The following CELF2 variants were observed in gnomAD, a reference collection of about 807,000 sequenced individuals.
The protein encoded by CELF2 is CUGBP Elav-like family member 2, also known as CUG triplet repeat RNA-binding protein 2.
Under a neutral mutation model 62.6 loss-of-function variants are expected in CELF2, and 8 were observed. That is an observed-to-expected ratio of 0.13 (90% CI 0.07 to 0.23). The LOEUF is 0.23. CELF2 is among the 10% of genes least tolerant of loss of function. CELF2 has a pLI of 1.00. For missense variants in CELF2, 333 were observed against 671.0 expected, an observed-to-expected ratio of 0.50 and a Z score of 5.56; for synonymous variants, 258 against 250.0, an observed-to-expected ratio of 1.03 and a Z score of -0.30.
intron 1 of CELF2, among the ~76,000 whole-genome samples, chr10:10,842,785 T>G (rs1168697018): frequency 6.6e-6 from 1 of 152,062 alleles, no homozygotes; most frequent in African/African-American, 2.4e-5. Context: ...GCTTTGATAT[T>G]AGAATAATGC....
At chr10:10,688,019 A>G in the CELF2 span, among the ~76,000 whole-genome samples, 97 of 152,378 alleles carry the variant, frequency 6.4e-4, no homozygotes, top group African/African-American at 2.2e-3. Context: ...AGCAAGGGCT[A>G]CTACTGCTGC....
intron 2 of CELF2, among the ~76,000 whole-genome samples, chr10:10,985,533 G>A (rs1172763026): frequency 6.6e-6 from 1 of 152,132 alleles, no homozygotes; most frequent in African/African-American, 2.4e-5. Flanking sequence ...AGCACACATT[G>A]TCTCCATGTA....
At chr10:11,313,746 CAAG>C (rs1282323435) in intron 9 of CELF2, among the ~76,000 whole-genome samples, 1 of 136,182 alleles carries the variant, frequency 7.3e-6, no homozygotes, top group Non-Finnish European at 1.6e-5. Flanking sequence ...AAAGACAGTA[CAAG>C]AAGGAAAAAT....
intron 1 of CELF2, among the ~76,000 whole-genome samples, chr10:11,093,902 C>G (rs1380956936): frequency 6.6e-6 from 1 of 152,216 alleles, no homozygotes; most frequent in African/African-American, 2.4e-5. Context: ...GAAATTAACT[C>G]TTCTAAGGTT....
rs912786334 is a variant in CELF2, at chr10:11,027,383, C to T, written c.74+9220C>T. Among the ~76,000 whole-genome samples the T allele has an allele frequency of 2.2e-4, 34 of 152,100 alleles. 1 individual carries two copies. The highest frequency in any genetic ancestry group is 4.4e-5 in the Non-Finnish European group (3 of 68,026). On this transcript the variant is annotated intron_variant, in intron 1 of 12. Transcript: ENST00000633077. ...TTCTTCCTCTTCTGGGTACCTAGAG[C>T]GCTTGGGAATGCATTTTTACTTCTG...
At chr10:10,869,699 G>A (rs2060614048) in intron 1 of CELF2, among the ~76,000 whole-genome samples, 1 of 152,166 alleles carries the variant, frequency 6.6e-6, no homozygotes, top group Non-Finnish European at 1.5e-5. Flanking sequence ...GGCAGCCTTT[G>A]GGATCCTCCA....
intron 1 of CELF2, among the ~76,000 whole-genome samples, chr10:11,066,001 C>T (rs780333599): frequency 6.6e-6 from 1 of 152,168 alleles, no homozygotes; most frequent in Non-Finnish European, 1.5e-5. Flanking sequence ...GTGCCCCATA[C>T]AGCAGGAATG....
chr10:10,625,913 C>CT, the CELF2 span, among the ~76,000 whole-genome samples: 9,381 of 145,622 alleles, frequency 0.064, 369 homozygotes, highest in African/African-American at 0.12. Flanking sequence ...TCATGTGATT[C>CT]TTTTTTTTTT....
chr10:10,572,656 C>T, the CELF2 span, among the ~76,000 whole-genome samples: 5,587 of 152,196 alleles, frequency 0.037, 321 homozygotes, highest in African/African-American at 0.13. Context: ...TGCCTCCCAG[C>T]TCCAACTGTG....
upstream of CELF2, among the ~76,000 whole-genome samples, chr10:11,016,588 T>A (rs913988674): frequency 3.3e-5 from 5 of 152,216 alleles, no homozygotes; most frequent in South Asian, 4.1e-4. The surrounding 1 kb of genome is among the most constrained non-coding windows in gnomAD (Gnocchi z 5.2). Context: ...CACACAAGAA[T>A]CTGGTGAGAA....
At chr10:11,281,345 G>GA (rs1565738783) in intron 8 of CELF2, among the ~76,000 whole-genome samples, 2 of 152,178 alleles carry the variant, frequency 1.3e-5, no homozygotes, top group African/African-American at 4.8e-5. Flanking sequence ...TGGGGTAGAT[G>GA]AAGAACACGA....
chr10:10,631,750 A>G, the CELF2 span, among the ~76,000 whole-genome samples: 1 of 152,190 alleles, frequency 6.6e-6, no homozygotes, highest in Admixed American at 6.5e-5. Context: ...TCCCTAGCAT[A>G]CATGAGATTC....
At chr10:11,326,430 A>G (rs951956928) in intron 12 of CELF2, among the ~76,000 whole-genome samples, 2 of 152,252 alleles carry the variant, frequency 1.3e-5, no homozygotes, top group African/African-American at 2.4e-5. Flanking sequence ...CGGGATGAGC[A>G]GTTGACAGAT....
At chr10:10,668,947 G>C in the CELF2 span, among the ~76,000 whole-genome samples, 1 of 151,350 alleles carries the variant, frequency 6.6e-6, no homozygotes, top group Non-Finnish European at 1.5e-5. Flanking sequence ...AACAGAGTGA[G>C]ACCCTGACAA....
intron 1 of CELF2, among the ~76,000 whole-genome samples, chr10:11,064,592 T>C (rs1421255235): frequency 6.6e-6 from 1 of 152,206 alleles, no homozygotes; most frequent in Non-Finnish European, 1.5e-5. Context: ...TTAAAATTAT[T>C]CAGGTATTTT....
chr10:11,126,842 C>A (rs755074026), intron 1 of CELF2, among the ~76,000 whole-genome samples: 3 of 151,818 alleles, frequency 2.0e-5, no homozygotes, highest in Non-Finnish European at 2.9e-5. Flanking sequence ...AGTTGCTCTT[C>A]AGCCATCTGT....
At chr10:10,593,954 C>T in the CELF2 span, among the ~76,000 whole-genome samples, 2 of 152,160 alleles carry the variant, frequency 1.3e-5, no homozygotes, top group African/African-American at 4.8e-5. Flanking sequence ...ATAAAACACA[C>T]ATAGTATAAA....
chr10:10,917,128 G>T (rs1554881278), intron 1 of CELF2, among the ~76,000 whole-genome samples: 1 of 152,080 alleles, frequency 6.6e-6, no homozygotes, highest in Non-Finnish European at 1.5e-5. Context: ...TACAGTGATT[G>T]CCAGTACCAT....
the CELF2 span, among the ~76,000 whole-genome samples, chr10:10,670,825 A>G: frequency 2.8e-4 from 39 of 141,396 alleles, no homozygotes; most frequent in African/African-American, 1.0e-3. Flanking sequence ...AGAATGTCAT[A>G]GTTGAAATCA....
Sources: allele counts gnomAD v4.1 joint callset (sites outside exome capture counted in the v4.1 genomes callset), GRCh38; gene constraint gnomAD v4.1.1; non-coding constraint Gnocchi (gnomAD v3.1); transcripts MANE v1.5; gene names NCBI Gene and HGNC (gene_info 2026-07-23, HGNC 2026-07-21).